TBCA: variants seen among roughly 807,000 people sequenced by gnomAD.
TBCA encodes the protein tubulin folding cofactor A.
In TBCA, 6 loss-of-function variants were observed where a neutral mutation model predicts 15.8. The ratio of observed to expected loss-of-function variants is 0.38; its 90% CI spans 0.21 to 0.75. The LOEUF is 0.75. TBCA is among the 30% of genes least tolerant of loss of function. The pLI, the probability that TBCA is intolerant of heterozygous loss-of-function variation, is 0.46. For missense variants in TBCA, 90 were observed against 131.2 expected (o/e 0.69, Z 1.53); for synonymous variants, 32 against 42.3 (o/e 0.76, Z 0.94).
At chr5:77,743,948 A>C (rs1747108560) in intron 1 of TBCA, among the ~76,000 whole-genome samples, 1 of 152,210 alleles carries the variant, frequency 6.6e-6, no homozygotes, top group Admixed American at 6.5e-5. Flanking sequence ...GCAATTAAAT[A>C]CTGTGTGGAC....
intron 1 of TBCA, among the ~76,000 whole-genome samples, chr5:77,737,053 A>T (rs957483315): frequency 6.6e-5 from 10 of 152,224 alleles, no homozygotes; most frequent in African/African-American, 2.4e-4. Context: ...ACATCCCAAA[A>T]AGTTTTCTAA....
chr5:77,718,274 T>C (rs185848678), intron 1 of TBCA, among the ~76,000 whole-genome samples: 37 of 152,332 alleles, frequency 2.4e-4, no homozygotes, highest in Admixed American at 1.5e-3. Flanking sequence ...TATTAGGTGT[T>C]GAATAGTAAA....
intron 1 of TBCA, among the ~76,000 whole-genome samples, chr5:77,768,297 T>C (rs1283596431): frequency 6.6e-6 from 1 of 152,178 alleles, no homozygotes; most frequent in East Asian, 1.9e-4. Flanking sequence ...GATTACCTTA[T>C]TTAATTATCC....
chr5:77,693,064 C>G, intron 3 of TBCA: 1 of 1,443,878 alleles, frequency 6.9e-7, no homozygotes, highest in South Asian at 1.5e-5. Context: ...AACAAACATG[C>G]TAGAAAACAG....
At chr5:77,750,999 G>GT (rs550007142) in intron 1 of TBCA, among the ~76,000 whole-genome samples, 8 of 152,026 alleles carry the variant, frequency 5.3e-5, no homozygotes, top group Non-Finnish European at 1.2e-4. Context: ...GAAGACCAAG[G>GT]TTTTGTCATG....
At chr5:77,748,403 G>T (rs1747237924) in intron 1 of TBCA, among the ~76,000 whole-genome samples, 1 of 151,392 alleles carries the variant, frequency 6.6e-6, no homozygotes, top group Non-Finnish European at 1.5e-5. Context: ...GGAATATGGG[G>T]GAGGGAGAGA....
intron 1 of TBCA, among the ~76,000 whole-genome samples, chr5:77,709,028 T>C (rs1301392140): frequency 6.6e-6 from 1 of 151,746 alleles, no homozygotes; most frequent in African/African-American, 2.4e-5. Context: ...TTTATACATG[T>C]ATCTGAAACA....
intron 2 of TBCA, among the ~76,000 whole-genome samples, chr5:77,706,194 C>G (rs1022024762): frequency 6.6e-6 from 1 of 152,152 alleles, no homozygotes; most frequent in African/African-American, 2.4e-5. Flanking sequence ...GCAAAAATGA[C>G]TGTGAGTTCA....
chr5:77,757,606 G>A (rs456097), intron 1 of TBCA, among the ~76,000 whole-genome samples: 94,142 of 152,036 alleles, frequency 0.62, 29,188 homozygotes, highest in African/African-American at 0.64. Context: ...CAATTGTCCT[G>A]TTGGTTTGAG....
At chr5:77,720,673 C>A (rs2455160) in intron 1 of TBCA, among the ~76,000 whole-genome samples, 34,736 of 151,796 alleles carry the variant, frequency 0.23, 4,686 homozygotes, top group Non-Finnish European at 0.31. Flanking sequence ...GAGATCACAT[C>A]GCTGCACTCC....
intron 1 of TBCA, among the ~76,000 whole-genome samples, chr5:77,736,674 A>G (rs1314152298): frequency 6.6e-6 from 1 of 151,980 alleles, no homozygotes; most frequent in Admixed American, 6.6e-5. Flanking sequence ...GCCCTTCCCT[A>G]TCTCTACCTC....
chr5:77,717,659 G>A (rs752130673), intron 1 of TBCA, among the ~76,000 whole-genome samples: 6 of 151,924 alleles, frequency 3.9e-5, no homozygotes, highest in Non-Finnish European at 7.4e-5. Context: ...GTAAAACCCC[G>A]TCTCTAGTAA....
At position 77,692,770 on chromosome 5, in the gene TBCA, A is replaced by G. The variant is rs1223020143; in HGVS notation, c.246+496T>C. ...CAAGGCATTTATACCAGCAAGTATA[A>G]GTGTTATTCAGCTCCAAGTTAGTAT... On this transcript the variant is annotated intron_variant, in intron 3 of 3. Transcript: ENST00000380377. The G allele has an allele frequency of 4.0e-6, 4 of 1,006,566 alleles. No individual in the cohort carries two copies. The African/African-American group carries it at 5.2e-5, about 13-fold the overall frequency. The allele number at this position is 1,006,566 out of a possible 1,614,324, so 62.4% of individuals were successfully genotyped here. A position where few individuals can be genotyped will look rare whatever the true frequency, so the allele number is the denominator to read the frequency against.
At chr5:77,747,680 T>C (rs1238326279) in intron 1 of TBCA, among the ~76,000 whole-genome samples, 2 of 152,180 alleles carry the variant, frequency 1.3e-5, no homozygotes, top group Admixed American at 1.3e-4. Context: ...TTATTAGCAA[T>C]GAGCTAGCAA....
At chr5:77,731,615 T>C (rs1207857375) in intron 1 of TBCA, among the ~76,000 whole-genome samples, 1 of 152,236 alleles carries the variant, frequency 6.6e-6, no homozygotes, top group Admixed American at 6.5e-5. Context: ...TCTCTCTATA[T>C]TCCGTATCTC....
chr5:77,719,975 A>G (rs1291227160), intron 1 of TBCA, among the ~76,000 whole-genome samples: 1 of 152,112 alleles, frequency 6.6e-6, no homozygotes, highest in African/African-American at 2.4e-5. Context: ...ACCACCTAAA[A>G]TCACAAATCT....
intron 1 of TBCA, among the ~76,000 whole-genome samples, chr5:77,770,379 C>T (rs1043244760): frequency 6.6e-6 from 1 of 152,190 alleles, no homozygotes; most frequent in African/African-American, 2.4e-5. Context: ...CACAGTTGTA[C>T]TATCTGTAAA....
intron 1 of TBCA, among the ~76,000 whole-genome samples, chr5:77,761,718 T>C (rs985577694): frequency 6.6e-6 from 1 of 151,552 alleles, no homozygotes; most frequent in African/African-American, 2.4e-5. Context: ...TTTTGGCTAG[T>C]GTAACTAAAA....
intron 1 of TBCA, among the ~76,000 whole-genome samples, chr5:77,757,922 A>G (rs1747513824): frequency 6.6e-6 from 1 of 152,180 alleles, no homozygotes; most frequent in Non-Finnish European, 1.5e-5. Flanking sequence ...TAGGGGTGGC[A>G]AATCTGTACG....
Sources: gnomAD v4.1 joint callset for allele counts (sites outside exome capture counted in the v4.1 genomes callset) on GRCh38, gnomAD v4.1.1 for gene constraint, MANE v1.5 for transcripts, NCBI Gene and HGNC (gene_info 2026-07-23, HGNC 2026-07-21) for gene names.